The following TVP23C variants were observed in gnomAD, a reference collection of about 807,000 sequenced individuals.
TVP23C encodes trans-golgi network vesicle protein 23 homolog C, also known as Golgi apparatus membrane protein TVP23 homolog C.
TVP23C carries 19 observed loss-of-function variants against 28.7 expected under a neutral mutation model. The ratio of observed to expected loss-of-function variants is 0.66; its 90% confidence interval spans 0.46 to 0.97. TVP23C has a LOEUF of 0.97. TVP23C is among the 50% of genes least tolerant of loss of function. The pLI is 0.00. For synonymous variants in TVP23C, 68 were observed against 81.7 expected (o/e 0.83, Z 0.90); for missense variants, 186 against 241.3 (o/e 0.77, Z 1.52).
intron 5 of TVP23C, among the ~76,000 whole-genome samples, chr17:15,509,452 CACCTTCTTTCCAAG>C (rs1477395686): frequency 6.6e-6 from 1 of 152,230 alleles, no homozygotes; most frequent in Admixed American, 6.5e-5. Flanking sequence ...GCGCTGACCG[CACCTTCTTTCCAAG>C]TGGTGGTTCC....
At chr17:15,503,819 G>A (rs1027318301) in intron 5 of TVP23C, among the ~76,000 whole-genome samples, 2 of 151,900 alleles carry the variant, frequency 1.3e-5, no homozygotes, top group Non-Finnish European at 2.9e-5. Flanking sequence ...GCAGGCCACC[G>A]AAGTTCTATC....
intron 5 of TVP23C, chr17:15,506,866 G>A (rs1279349066): frequency 3.3e-5 from 24 of 716,870 alleles, no homozygotes; most frequent in South Asian, 1.1e-4. Context: ...ACTATCAGCC[G>A]TGGTCAACCC....
At chr17:15,528,503 G>A (rs1982818561) in intron 5 of TVP23C, among the ~76,000 whole-genome samples, 1 of 152,118 alleles carries the variant, frequency 6.6e-6, no homozygotes, top group African/African-American at 2.4e-5. Context: ...ATTGAAGCCT[G>A]TTTTATGGCC....
intron 5 of TVP23C, among the ~76,000 whole-genome samples, chr17:15,516,916 C>T (rs1209046799): frequency 6.6e-6 from 1 of 152,184 alleles, no homozygotes; most frequent in East Asian, 1.9e-4. Context: ...GGGCATCCCA[C>T]AGTGTGTGCT....
rs150607620 is a variant in TVP23C at position 15,515,560 on chromosome 17, T to C, written c.463-12328A>G. Among the ~76,000 whole-genome samples, 215 of 152,296 alleles carry C rather than the reference T, an allele frequency of 1.4e-3. 1 individual carries two copies. The highest frequency in any genetic ancestry group is 4.8e-3 in the African/African-American group (200 of 41,548). ...CGATTTTCATGCTGAAAAAGTACTT[T>C]GGATTCAGAGGAGAGTGCAAATACG... On this transcript the variant is annotated intron_variant, in intron 5 of 5. Coordinates refer to the TVP23C transcript ENST00000225576.
At chr17:15,555,572 T>G (rs1235649671) in intron 1 of TVP23C, among the ~76,000 whole-genome samples, 5 of 152,192 alleles carry the variant, frequency 3.3e-5, no homozygotes, top group Non-Finnish European at 5.9e-5. Context: ...AATCGAAGTC[T>G]CAGCTCCTCC....
intron 3 of TVP23C, among the ~76,000 whole-genome samples, chr17:15,552,731 G>T (rs1189674211): frequency 1.3e-5 from 2 of 152,168 alleles, no homozygotes; most frequent in Non-Finnish European, 2.9e-5. Context: ...ATTGGTGGAT[G>T]TGAATAGGGT....
chr17:15,539,282 T>C lies in TVP23C; in HGVS notation c.*1130A>G. The stretch of plus-strand genomic sequence containing the variant: ...ATAATATCACTTGCCCAACCTACTG[T>C]ACTAACCAAATGCAAGGTATTACTC... On this transcript the variant is annotated 3_prime_UTR_variant, in exon 6 of 6. Transcript: ENST00000518321. 3 of 985,426 alleles carry C rather than the reference T, an allele frequency of 3.0e-6. No homozygotes were observed. The highest frequency in any genetic ancestry group is 3.6e-6 in the Non-Finnish European group (3 of 829,948). 61.0% of individuals were successfully genotyped at this position (985,426 alleles called of 1,614,324 possible).
chr17:15,553,535 A>AC, intron 3 of TVP23C, 150 bp downstream of exon 3: 1 of 1,083,856 alleles, frequency 9.2e-7, no homozygotes, highest in South Asian at 2.3e-5. Flanking sequence ...AAAAAAAAAA[A>AC]AAAACTACAT....
Position 15,553,690 on chromosome 17 carries a change from C to T in TVP23C, c.235G>A (p.Val79Met). ...ILLLSCDFWA[V>M]KNVTGRLMVG... The stretch of plus-strand genomic sequence containing the variant: ...ATAAAAACAATCAAAATTACCTTCA[C>T]TGCCCAAAAGTCACACGACAACAAC... The change falls in exon 3 of 6, where the codon GTG becomes ATG. Residue 79 changes from valine to methionine, a missense_variant. Physicochemically the swap from Val to Met is conservative, Grantham distance 21. This residue lies in a region of TVP23C where 92 missense variants were observed against 94.3 expected (regional missense o/e 0.98). Coordinates refer to ENST00000518321, the MANE Select transcript of TVP23C (RefSeq NM_001135036.2). The T allele has an allele frequency of 9.4e-6, 15 of 1,599,804 alleles. No homozygotes were observed. Among genetic ancestry groups the T allele is most frequent in the Non-Finnish European group, 1.3e-5 (15 of 1,176,286 alleles).
At chr17:15,550,691 A>G (rs1983845916) in intron 3 of TVP23C, among the ~76,000 whole-genome samples, 1 of 152,168 alleles carries the variant, frequency 6.6e-6, no homozygotes, top group Admixed American at 6.5e-5. Context: ...GATTCATAAA[A>G]TCACCTTTTT....
intron 5 of TVP23C, among the ~76,000 whole-genome samples, chr17:15,504,609 C>G (rs1056525387): frequency 6.6e-6 from 1 of 152,050 alleles, no homozygotes; most frequent in Non-Finnish European, 1.5e-5. Context: ...TTGGCCCAGG[C>G]TAGAGTGCAG....
chr17:15,533,863 A>G (rs1597524791), downstream of TVP23C, among the ~76,000 whole-genome samples: 1 of 152,222 alleles, frequency 6.6e-6, no homozygotes, highest in East Asian at 1.9e-4. Flanking sequence ...GGAAGAAGGA[A>G]CAGAGTGATC....
chr17:15,519,676 C>T (rs1450821049), intron 5 of TVP23C, among the ~76,000 whole-genome samples: 3 of 151,988 alleles, frequency 2.0e-5, no homozygotes, highest in Admixed American at 6.6e-5. Context: ...TTTGGGAGGC[C>T]GAGGTGGGTG....
Position 15,559,616 on chromosome 17 carries a change from C to T in TVP23C, c.12+3821G>A, listed in dbSNP as rs973945508. On this transcript the variant is annotated intron_variant, in intron 1 of 5. Transcript: ENST00000518321. ...AGAAGAAGGAGGGACAAAAGCACAA[C>T]GCTAGGAGACTGGTTAGGAAACTAC... Among the ~76,000 whole-genome samples the T allele has an allele frequency of 5.8e-4, 86 of 148,684 alleles. 6 individuals carry two copies. Among genetic ancestry groups the T allele is most frequent in the Non-Finnish European group, 5.6e-4 (37 of 66,564 alleles).
exon 6 of TVP23C, chr17:15,503,011 C>G (rs764571310): frequency 6.2e-7 from 1 of 1,614,122 alleles, no homozygotes; most frequent in Non-Finnish European, 8.5e-7. Context: ...TGCCTGGAGC[C>G]GCACGAAGAG....
chr17:15,517,242 T>G (rs1454507210), intron 5 of TVP23C, among the ~76,000 whole-genome samples: 2 of 152,196 alleles, frequency 1.3e-5, no homozygotes, highest in Non-Finnish European at 2.9e-5. Flanking sequence ...CCCACTCAAT[T>G]TCATAGCCCT....
intron 5 of TVP23C, among the ~76,000 whole-genome samples, chr17:15,525,703 T>A (rs1982695088): frequency 6.6e-6 from 1 of 152,184 alleles, no homozygotes; most frequent in East Asian, 1.9e-4. Flanking sequence ...CATGCACGCG[T>A]GTGCATGCGC....
chr17:15,516,015 A>G (rs754458681), intron 5 of TVP23C, among the ~76,000 whole-genome samples: 1 of 152,182 alleles, frequency 6.6e-6, no homozygotes, highest in Non-Finnish European at 1.5e-5. Context: ...TTCTCCTGCC[A>G]GGTAAGACGC....
Sources: allele counts gnomAD v4.1 joint callset (sites outside exome capture counted in the v4.1 genomes callset), GRCh38; gene constraint gnomAD v4.1.1; regional missense constraint gnomAD v4.1.1; transcripts MANE v1.5; gene names NCBI Gene and HGNC (gene_info 2026-07-23, HGNC 2026-07-21).